Variants in KCNC2 observed in about 807,000 individuals in gnomAD.
KCNC2 encodes voltage-gated potassium channel KCNC2.
KCNC2 carries 21 observed loss-of-function variants against 44.5 expected under a neutral mutation model. That is an observed-to-expected ratio of 0.47 (90% CI 0.33 to 0.68). The LOEUF (loss-of-function observed/expected upper bound fraction) is 0.68. KCNC2 is among the 30% of genes least tolerant of loss of function. The pLI, the probability that KCNC2 is intolerant of heterozygous loss-of-function variation, is 0.01. For missense variants in KCNC2, 589 were observed against 826.2 expected, an observed-to-expected ratio of 0.71 and a Z score of 3.52; for synonymous variants, 391 against 339.1, an observed-to-expected ratio of 1.15 and a Z score of -1.68.
rs2031766867 is a variant in KCNC2 at position 75,207,324 on chromosome 12, T to C, written c.660A>G (p.Glu220=). ...TGGCGGCTCTGGACGAGTAGGGGTC[T>C]TCGAAGAGGGCCCACATGCGGGGCT... is the stretch of plus-strand genomic sequence containing the variant. ...RLQPRMWALF[E]DPYSSRAARF... Residue 220 remains glutamate, a synonymous_variant, in exon 2 of 5, where the codon GAA becomes GAG. Coordinates refer to ENST00000549446, the MANE Select transcript of KCNC2 (RefSeq NM_139137.4). This position sits in a 1 kb window ranked among gnomAD's most constrained non-coding sequence, Gnocchi z 4.1. 4 of 1,563,892 alleles carry C rather than the reference T, an allele frequency of 2.6e-6. No homozygotes were observed. Among genetic ancestry groups the C allele is most frequent in the African/African-American group, 2.8e-5 (2 of 72,704 alleles).
chr12:75,044,376 C>G (rs958415943), intron 4 of KCNC2: 4 of 151,882 alleles, frequency 2.6e-5, no homozygotes, highest in African/African-American at 9.7e-5. Flanking sequence ...CTCCCTTACA[C>G]TATATGACTT....
At chr12:75,112,208 T>C (rs1403925110) in intron 2 of KCNC2, among the ~76,000 whole-genome samples, 2 of 151,986 alleles carry the variant, frequency 1.3e-5, no homozygotes, top group Non-Finnish European at 2.9e-5. Context: ...GAGTTACAGT[T>C]CTACTCTATG....
chr12:75,208,761 GC>G (rs946356181), intron 1 of KCNC2, among the ~76,000 whole-genome samples: 22 of 152,020 alleles, frequency 1.4e-4, no homozygotes, highest in African/African-American at 5.3e-4. Context: ...CTCTGCTGTT[GC>G]TTTTCACCTA....
chr12:75,157,527 A>C (rs1373974417), intron 2 of KCNC2, among the ~76,000 whole-genome samples: 1 of 151,886 alleles, frequency 6.6e-6, no homozygotes, highest in Non-Finnish European at 1.5e-5. Context: ...TATTTGATCC[A>C]CATACTTCCT....
chr12:75,142,305 T>A lies in KCNC2; in HGVS notation c.687+64992A>T, dbSNP rs558877914. 2.0e-5 allele frequency among the ~76,000 whole-genome samples: 3 copies of A among 152,306 alleles called. No individual in the cohort carries two copies. The South Asian group carries it at 6.2e-4, about 32-fold the overall frequency. On this transcript the variant is annotated intron_variant, in intron 2 of 4. Coordinates refer to ENST00000549446, the MANE Select transcript of KCNC2 (RefSeq NM_139137.4). ...ATTGTGGTCCCAGAAAGCACAAATC[T>A]GCAAATGTGAATTTCTCATTATACT... is the stretch of plus-strand genomic sequence containing the variant.
At chr12:75,181,380 C>T (rs2137645139) in intron 2 of KCNC2, among the ~76,000 whole-genome samples, 1 of 152,260 alleles carries the variant, frequency 6.6e-6, no homozygotes, top group Middle Eastern at 3.4e-3. Context: ...ATCTGCATAT[C>T]TACAGCCATG....
At chr12:75,098,538 C>T (rs372877954) in intron 2 of KCNC2, among the ~76,000 whole-genome samples, 1 of 152,084 alleles carries the variant, frequency 6.6e-6, no homozygotes, top group South Asian at 2.1e-4. Flanking sequence ...GCTGGTGGAT[C>T]ACCTTAGGTC....
At chr12:75,093,035 T>A (rs1885621084) in intron 2 of KCNC2, among the ~76,000 whole-genome samples, 1 of 150,906 alleles carries the variant, frequency 6.6e-6, no homozygotes, top group South Asian at 2.1e-4. Flanking sequence ...TTTTAATCGT[T>A]CGAGTAGCTA....
At chr12:75,167,424 T>A (rs1253799620) in intron 2 of KCNC2, among the ~76,000 whole-genome samples, 1 of 151,368 alleles carries the variant, frequency 6.6e-6, no homozygotes, top group Admixed American at 6.6e-5. Context: ...AAGCTTCTTA[T>A]GAATCACAGT....
chr12:75,098,244 C>G (rs979015497), intron 2 of KCNC2, among the ~76,000 whole-genome samples: 1 of 152,096 alleles, frequency 6.6e-6, no homozygotes, highest in East Asian at 1.9e-4. Context: ...CTTTTCCTAA[C>G]AAGAAGCATG....
chr12:75,171,981 C>T (rs1891855884), intron 2 of KCNC2, among the ~76,000 whole-genome samples: 1 of 151,704 alleles, frequency 6.6e-6, no homozygotes, highest in African/African-American at 2.4e-5. Context: ...TGCAAACCTG[C>T]ATATACTGCA....
rs200429167 is a variant in KCNC2, at chr12:75,050,474, T to A, written c.1531A>T (p.Thr511Ser). Residue 511 changes from threonine (T) to serine (S), a missense_variant, in exon 3 of 5, where the codon ACA becomes TCA. Transcript: ENST00000549446. ...PQASSPTFCK[T>S]ELNMACNSTQ... is the part of the protein sequence containing the mutation. ...CTATTGCAGGCCATATTTAATTCTG[T>A]CTTGCAAAAAGTAGGTGAGCTTGCC... 2 of 1,613,640 alleles carry A rather than the reference T, an allele frequency of 1.2e-6. No individual in the cohort carries two copies. The highest frequency in any genetic ancestry group is 4.5e-5 in the East Asian group (2 of 44,828).
intron 2 of KCNC2, among the ~76,000 whole-genome samples, chr12:75,103,165 G>A (rs1886509519): frequency 6.6e-6 from 1 of 152,124 alleles, no homozygotes. Context: ...AATTAAAAGA[G>A]TTAAATATAA....
rs371846580 is a variant in KCNC2 at position 75,051,226 on chromosome 12, T to C, written c.779A>G (p.Lys260Arg). Residue 260 changes from lysine to arginine, a missense_variant, in exon 3 of 5, where the codon AAG becomes AGG. Physicochemically the swap from Lys to Arg is conservative, Grantham distance 26. This residue lies in a region of KCNC2 where 40 missense variants were observed against 40.6 expected (regional missense o/e 0.99). Coordinates refer to ENST00000549446, the MANE Select transcript of KCNC2 (RefSeq NM_139137.4). ...TGTGCCATTGATGACTGGTTCTGTCTTGTTTTTAACAATATTGAAAGCTTC... is the reference window on the plus strand; with the variant it reads ...TGTGCCATTGATGACTGGTTCTGTCCTGTTTTTAACAATATTGAAAGCTTC... ...THEAFNIVKN[K>R]TEPVINGTSV... The C allele has an allele frequency of 6.8e-6, 11 of 1,612,200 alleles. No homozygotes were observed. Among genetic ancestry groups the C allele is most frequent in the Non-Finnish European group, 8.5e-6 (10 of 1,178,560 alleles).
intron 2 of KCNC2, among the ~76,000 whole-genome samples, chr12:75,138,055 T>C (rs1163839955): frequency 6.6e-6 from 1 of 152,214 alleles, no homozygotes; most frequent in African/African-American, 2.4e-5. Flanking sequence ...TGCTGTGGTC[T>C]CACATGGACT....
At chr12:75,175,638 A>G (rs1371110406) in intron 2 of KCNC2, among the ~76,000 whole-genome samples, 2 of 152,020 alleles carry the variant, frequency 1.3e-5, no homozygotes, top group Non-Finnish European at 2.9e-5. Context: ...CTGGCATAGT[A>G]AGGAGTTAAG....
intron 4 of KCNC2, chr12:75,043,813 C>T (rs1394134109): frequency 1.4e-6 from 2 of 1,457,868 alleles, no homozygotes; most frequent in African/African-American, 1.4e-5. Flanking sequence ...ATTTCTAATT[C>T]CTTGGGTAAG....
chr12:75,088,122 G>A (rs772384521), intron 2 of KCNC2, among the ~76,000 whole-genome samples: 74 of 151,928 alleles, frequency 4.9e-4, no homozygotes, highest in Non-Finnish European at 9.4e-4. Flanking sequence ...CTGTGAAGTC[G>A]AGGTTTAAAA....
intron 2 of KCNC2, among the ~76,000 whole-genome samples, chr12:75,079,075 G>T (rs910776003): frequency 3.3e-5 from 5 of 152,078 alleles, no homozygotes; most frequent in African/African-American, 1.2e-4. Flanking sequence ...GGGGTCAGAA[G>T]AAGTAGAATT....
Sources: gnomAD v4.1 joint callset for allele counts (sites outside exome capture counted in the v4.1 genomes callset) on GRCh38, gnomAD v4.1.1 for gene constraint, gnomAD v4.1.1 regional missense constraint, Gnocchi (gnomAD v3.1) non-coding constraint, MANE v1.5 for transcripts, NCBI Gene and HGNC (gene_info 2026-07-23, HGNC 2026-07-21) for gene names.